Variants in NMBR observed in about 807,000 individuals in gnomAD.
NMBR encodes the protein neuromedin B receptor.
In NMBR, 16 loss-of-function variants were observed where a neutral mutation model predicts 20.5. That is an observed-to-expected ratio of 0.78 (90% CI 0.53 to 1.19). The LOEUF (loss-of-function observed/expected upper bound fraction) is 1.19, where lower values mean the gene tolerates loss of function less well. NMBR is among the 50% of genes most tolerant of loss of function. The pLI, the probability that NMBR is intolerant of heterozygous loss-of-function variation, is 0.00. For missense variants in NMBR, 582 were observed against 499.1 expected, an observed-to-expected ratio of 1.17 and a Z score of -1.58; for synonymous variants, 212 against 196.6, an observed-to-expected ratio of 1.08 and a Z score of -0.65.
intron 1 of NMBR, among the ~76,000 whole-genome samples, chr6:142,145,715 G>T (rs1487725873): frequency 5.9e-5 from 9 of 152,334 alleles, no homozygotes; most frequent in African/African-American, 1.7e-4. Flanking sequence ...TTGGGGCTGA[G>T]TGCCTAGCTT....
chr6:142,076,628 T>A (rs992617178), intron 3 of NMBR, among the ~76,000 whole-genome samples: 1 of 152,162 alleles, frequency 6.6e-6, no homozygotes, highest in African/African-American at 2.4e-5. Flanking sequence ...TAAAAATAAA[T>A]TTTCCTTCTC....
chr6:142,123,885 C>A (rs750671225), intron 1 of NMBR, among the ~76,000 whole-genome samples: 49 of 151,898 alleles, frequency 3.2e-4, no homozygotes, highest in Non-Finnish European at 5.3e-4. Flanking sequence ...GCTAAAAATA[C>A]CACATCGGAT....
intron 1 of NMBR, among the ~76,000 whole-genome samples, chr6:142,142,016 T>C (rs1562250001): frequency 6.6e-6 from 1 of 152,020 alleles, no homozygotes; most frequent in East Asian, 1.9e-4. Context: ...ATAAGATAAA[T>C]CAGAAAAGGG....
intron 1 of NMBR, among the ~76,000 whole-genome samples, chr6:142,110,707 G>A (rs894790234): frequency 1.3e-5 from 2 of 152,088 alleles, no homozygotes; most frequent in African/African-American, 4.8e-5. Flanking sequence ...CACTTTAAAT[G>A]GGTAAATGGC....
At chr6:142,093,863 T>C (rs980822948) in intron 1 of NMBR, among the ~76,000 whole-genome samples, 6 of 152,154 alleles carry the variant, frequency 3.9e-5, no homozygotes, top group Admixed American at 6.5e-5. Flanking sequence ...TGTGAGATGG[T>C]ATCTCCTTGT....
At chr6:142,134,047 G>C (rs1290682009) in intron 1 of NMBR, 1 of 667,804 alleles carries the variant, frequency 1.5e-6, no homozygotes, top group East Asian at 2.7e-5. Context: ...GTTTTTCTGT[G>C]TGCACATAAA....
intron 2 of NMBR, 152 bp from the exon 3 acceptor site, chr6:142,079,055 A>AGAAG (rs1156376192): frequency 2.2e-6 from 1 of 460,484 alleles, no homozygotes; most frequent in African/African-American, 2.0e-5. Flanking sequence ...AAAGAAAGAG[A>AGAAG]GAAAGAGAGA....
chr6:142,100,604 G>A (rs1777541688), intron 1 of NMBR, among the ~76,000 whole-genome samples: 1 of 152,168 alleles, frequency 6.6e-6, no homozygotes, highest in Non-Finnish European at 1.5e-5. Flanking sequence ...AAACTACTCT[G>A]TATGATAATG....
At chr6:142,101,922 T>C (rs924789536) in intron 1 of NMBR, among the ~76,000 whole-genome samples, 8 of 152,084 alleles carry the variant, frequency 5.3e-5, no homozygotes, top group African/African-American at 1.9e-4. Flanking sequence ...CATTCGACAC[T>C]CTAAAGATGG....
At chr6:142,100,202 C>G (rs1777533649) in intron 1 of NMBR, among the ~76,000 whole-genome samples, 1 of 152,212 alleles carries the variant, frequency 6.6e-6, no homozygotes, top group Non-Finnish European at 1.5e-5. Flanking sequence ...ATCCATCACA[C>G]TCCTTCCTGT....
chr6:142,088,515 G>T lies in NMBR; in HGVS notation c.144C>A (p.Ser48=), dbSNP rs772835207. 1 of 1,613,868 alleles carries T rather than the reference G, an allele frequency of 6.2e-7. No homozygotes were observed. The highest frequency in any genetic ancestry group is 2.2e-5 in the East Asian group (1 of 44,864). Residue 48 remains serine (S), a synonymous_variant, in exon 2 of 4, where the codon TCC becomes TCA. Coordinates refer to ENST00000258042, the MANE Select transcript of NMBR (RefSeq NM_002511.4). ...CCACGGTGATGATGAGCAGGTAGAG[G>T]GACGGGATCACACAGCGGATCACCA... ...TELVIRCVIP[S]LYLLIITVGL...
intron 1 of NMBR, among the ~76,000 whole-genome samples, chr6:142,117,447 G>T (rs1777874720): frequency 6.6e-6 from 1 of 151,714 alleles, no homozygotes; most frequent in South Asian, 2.1e-4. Flanking sequence ...CTTATAAAAG[G>T]GAGCAAAGGT....
rs574252589 is a variant in NMBR at position 142,088,346 on chromosome 6, A to T, written c.313T>A (p.Phe105Ile). The change falls in exon 2 of 4, where the codon TTC becomes ATC. Residue 105 changes from phenylalanine to isoleucine, a missense_variant. Physicochemically the swap from Phe to Ile is conservative, Grantham distance 21. Coordinates refer to ENST00000258042, the MANE Select transcript of NMBR (RefSeq NM_002511.4). Reference protein sequence around the residue: ...TCVPVDASRYFFDEWMFGKVG... With the variant: ...TCVPVDASRYIFDEWMFGKVG... ...TTGCCAAACATCCACTCGTCGAAGA[A>T]GTAGCGCGAGGCGTCCACCGGGACG... is the stretch of plus-strand genomic sequence containing the variant. 16 of 1,613,996 alleles carry T rather than the reference A, an allele frequency of 9.9e-6. No homozygotes were observed. In the South Asian group the frequency reaches 1.6e-4, roughly 17 times the overall value.
At chr6:142,131,241 G>A (rs989077425) in intron 1 of NMBR, among the ~76,000 whole-genome samples, 8 of 152,108 alleles carry the variant, frequency 5.3e-5, no homozygotes, top group Admixed American at 1.3e-4. Context: ...GAAGACATGC[G>A]GGAGGCATGT....
At chr6:142,077,558 G>A (rs867779750) in intron 3 of NMBR, among the ~76,000 whole-genome samples, 1 of 152,152 alleles carries the variant, frequency 6.6e-6, no homozygotes, top group African/African-American at 2.4e-5. Context: ...CAATAATTGG[G>A]TGATTTTTTA....
intron 1 of NMBR, among the ~76,000 whole-genome samples, chr6:142,105,970 C>A (rs183973102): frequency 2.6e-5 from 4 of 152,090 alleles, no homozygotes; most frequent in Non-Finnish European, 5.9e-5. Flanking sequence ...ATGATGTAGA[C>A]ATTTTATGAT....
intron 1 of NMBR, among the ~76,000 whole-genome samples, chr6:142,094,821 A>G (rs920724614): frequency 9.2e-5 from 14 of 152,088 alleles, no homozygotes; most frequent in Middle Eastern, 3.4e-3. Flanking sequence ...ATCCTCTTTT[A>G]TTTCATTGAG....
rs117656117 is a variant in NMBR at position 142,144,084 on chromosome 6, C to A, written c.-664+2960G>T. On this transcript the variant is annotated intron_variant, in intron 1 of 3. Coordinates refer to ENST00000258042, the MANE Select transcript of NMBR (RefSeq NM_002511.4). Reference sequence around the variant, plus strand: ...TGCAATGTTTATAGTGTCTACATGTCCCAGCCATGGGCGGATGGGGTGGCA... The same window carrying A: ...TGCAATGTTTATAGTGTCTACATGTACCAGCCATGGGCGGATGGGGTGGCA... 2.8e-3 allele frequency among the ~76,000 whole-genome samples: 423 copies of A among 152,266 alleles called. 15 individuals are homozygous for A. The East Asian group carries it at 0.051, about 18-fold the overall frequency.
chr6:142,083,477 C>T (rs1387063255), intron 2 of NMBR, among the ~76,000 whole-genome samples: 1 of 152,092 alleles, frequency 6.6e-6, no homozygotes, highest in African/African-American at 2.4e-5. Context: ...TTTAAGCTGC[C>T]TTACATTCTC....
Sources: allele counts gnomAD v4.1 joint callset (sites outside exome capture counted in the v4.1 genomes callset), GRCh38; gene constraint gnomAD v4.1.1; transcripts MANE v1.5; gene names NCBI Gene and HGNC (gene_info 2026-07-23, HGNC 2026-07-21).